The following IGSF11 variants were observed in gnomAD, a reference collection of about 807,000 sequenced individuals.
The protein encoded by IGSF11 is immunoglobulin superfamily member 11, also known as CXADR like 1.
In IGSF11, 22 loss-of-function variants were observed where a neutral mutation model predicts 41.0. The ratio of observed to expected loss-of-function variants is 0.54; its 90% CI spans 0.38 to 0.77. The LOEUF (loss-of-function observed/expected upper bound fraction) is 0.77, where lower values mean the gene tolerates loss of function less well. Ranked by LOEUF, IGSF11 falls within the 30% of genes least tolerant of loss-of-function variation. The probability of loss-of-function intolerance (pLI) is 0.00; values close to 1 mark genes in which losing one functional copy is unlikely to be tolerated. For synonymous variants in IGSF11, 219 were observed against 201.3 expected, an observed-to-expected ratio of 1.09 and a Z score of -0.74; for missense variants, 444 against 530.8, an observed-to-expected ratio of 0.84 and a Z score of 1.61.
At chr3:119,028,068 A>G (rs532950949) in intron 1 of IGSF11, among the ~76,000 whole-genome samples, 1 of 151,446 alleles carries the variant, frequency 6.6e-6, no homozygotes, top group Admixed American at 6.6e-5. Context: ...TGGCCCAAAG[A>G]AAAAAAAGAC....
chr3:119,050,410 A>G lies in IGSF11; in HGVS notation c.49+54734T>C, dbSNP rs1245362126. Among the ~76,000 whole-genome samples, 234 of 152,322 alleles carry G rather than the reference A, an allele frequency of 1.5e-3. 3 individuals carry two copies. The East Asian group carries it at 0.032, about 21-fold the overall frequency. On this transcript the variant is annotated intron_variant, in intron 1 of 6. Coordinates refer to the IGSF11 transcript ENST00000354673. ...ACATGAAAAAATGCTGACCATCACTAGCCATCAGAGAAATGCAAATCAAAA... is the reference window on the plus strand; with the variant it reads ...ACATGAAAAAATGCTGACCATCACTGGCCATCAGAGAAATGCAAATCAAAA...
chr3:119,042,155 G>C (rs1024408190), intron 1 of IGSF11, among the ~76,000 whole-genome samples: 2 of 152,188 alleles, frequency 1.3e-5, no homozygotes, highest in African/African-American at 2.4e-5. Flanking sequence ...AAAAAAATTA[G>C]ATGATCATTT....
intron 1 of IGSF11, among the ~76,000 whole-genome samples, chr3:118,963,583 G>C (rs1172927217): frequency 6.6e-6 from 1 of 152,062 alleles, no homozygotes; most frequent in African/African-American, 2.4e-5. Context: ...GGAAAACTAT[G>C]AAACAAGAAT....
At chr3:119,033,220 T>C (rs537382932) in intron 1 of IGSF11, among the ~76,000 whole-genome samples, 1 of 152,316 alleles carries the variant, frequency 6.6e-6, no homozygotes, top group Non-Finnish European at 1.5e-5. Context: ...CTACCAAAAA[T>C]TTGAGCTGTT....
chr3:119,112,367 C>T (rs146831408), intron 1 of IGSF11, among the ~76,000 whole-genome samples: 4,201 of 152,204 alleles, frequency 0.028, 181 homozygotes, highest in African/African-American at 0.095. Flanking sequence ...TAGCAATCAG[C>T]GAGACTCTGT....
At chr3:118,928,387 G>A (rs1942537756) in intron 3 of IGSF11, 122 bp downstream of exon 3, 2 of 691,298 alleles carry the variant, frequency 2.9e-6, no homozygotes, top group Non-Finnish European at 5.0e-6. Flanking sequence ...AGATGGAACT[G>A]AGAGAAGACA....
intron 1 of IGSF11, chr3:118,943,062 T>C (rs3821882): frequency 0.054 from 8,266 of 152,352 alleles, 351 homozygotes; most frequent in Admixed American, 0.15. Flanking sequence ...CAACATTCCA[T>C]GTGTCCTACA....
intron 1 of IGSF11, among the ~76,000 whole-genome samples, chr3:119,124,091 G>C (rs2077368018): frequency 6.6e-6 from 1 of 151,900 alleles, no homozygotes. Flanking sequence ...ACTGTGTTGA[G>C]GAAATTCAAA....
At chr3:119,040,512 G>A (rs1941079509) in intron 1 of IGSF11, among the ~76,000 whole-genome samples, 1 of 151,980 alleles carries the variant, frequency 6.6e-6, no homozygotes, top group South Asian at 2.1e-4. Context: ...GAACCCCTTG[G>A]GCAGTTAACA....
In IGSF11 at chr3:118,902,956, T is replaced by C; in HGVS notation, c.860A>G (p.Asp287Gly). Residue 287 changes from aspartate (D) to glycine (G), a missense_variant, in exon 7 of 7, where the codon GAT becomes GGT. Coordinates refer to ENST00000393775, the MANE Select transcript of IGSF11 (RefSeq NM_001015887.3). ...AGAAGAACACTTGGGTGGAAGATCA[T>C]CCTCTCTGAAAGGAACAAAATAAAG... is the stretch of plus-strand genomic sequence containing the variant. Reference protein sequence around the residue: ...EEEIPNEIREDDLPPKCSSAK... With the variant: ...EEEIPNEIREGDLPPKCSSAK... 1 of 1,613,386 alleles carries C rather than the reference T, an allele frequency of 6.2e-7. No homozygotes were observed. Among genetic ancestry groups the C allele is most frequent in the South Asian group, 1.1e-5 (1 of 91,066 alleles).
chr3:119,093,729 C>T (rs930885422), intron 1 of IGSF11, among the ~76,000 whole-genome samples: 13 of 152,096 alleles, frequency 8.5e-5, no homozygotes, highest in African/African-American at 2.9e-4. Flanking sequence ...AAGACAGGTC[C>T]CTAATGCCAG....
At chr3:118,916,712 A>C (rs1454493679) in intron 4 of IGSF11, among the ~76,000 whole-genome samples, 2 of 152,000 alleles carry the variant, frequency 1.3e-5, no homozygotes, top group Admixed American at 1.3e-4. Flanking sequence ...ACAGAAAGTC[A>C]ACAAGGATAC....
chr3:118,996,859 A>C (rs1422770678), intron 1 of IGSF11, among the ~76,000 whole-genome samples: 1 of 152,162 alleles, frequency 6.6e-6, no homozygotes, highest in East Asian at 1.9e-4. Context: ...TCGGCCTCCC[A>C]AAGTGCTGGG....
At chr3:118,931,512 C>G (rs910568115) in intron 1 of IGSF11, among the ~76,000 whole-genome samples, 10 of 152,162 alleles carry the variant, frequency 6.6e-5, no homozygotes, top group African/African-American at 2.2e-4. Context: ...ACAACATGCA[C>G]GAGCCTCCCA....
chr3:118,904,038 G>A (rs1220727762), intron 6 of IGSF11, among the ~76,000 whole-genome samples: 2 of 152,160 alleles, frequency 1.3e-5, no homozygotes, highest in African/African-American at 2.4e-5. Flanking sequence ...ATCAGATCCT[G>A]TAAGGCTGTG....
Position 119,044,537 on chromosome 3 carries a change from T to C in IGSF11, c.49+60607A>G, listed in dbSNP as rs372056210. Among the ~76,000 whole-genome samples the C allele has an allele frequency of 5.0e-4, 76 of 152,274 alleles. 1 individual carries two copies. The highest frequency in any genetic ancestry group is 1.8e-3 in the African/African-American group (75 of 41,560). On this transcript the variant is annotated intron_variant, in intron 1 of 6. Transcript: ENST00000354673. ...CCTGGTCTTGCTAGAGATCCAGATA[T>C]TCAAATATAAGATGCTCAAGGAACA...
chr3:118,988,661 C>T (rs972934363), intron 1 of IGSF11, among the ~76,000 whole-genome samples: 1 of 152,168 alleles, frequency 6.6e-6, no homozygotes, highest in Admixed American at 6.5e-5. Context: ...AGAATGGCAT[C>T]TGCATGTGGT....
intron 1 of IGSF11, among the ~76,000 whole-genome samples, chr3:118,975,475 C>T (rs889930721): frequency 1.1e-4 from 17 of 151,832 alleles, no homozygotes; most frequent in African/African-American, 1.7e-4. Flanking sequence ...TATCAAATAA[C>T]GAATTTGTGA....
chr3:118,997,803 A>C (rs1205767605), intron 1 of IGSF11, among the ~76,000 whole-genome samples: 1 of 152,180 alleles, frequency 6.6e-6, no homozygotes. Context: ...GAGGACTTTC[A>C]AACAATAATA....
Sources: gnomAD v4.1 joint callset for allele counts (sites outside exome capture counted in the v4.1 genomes callset) on GRCh38, gnomAD v4.1.1 for gene constraint, MANE v1.5 for transcripts, NCBI Gene and HGNC (gene_info 2026-07-23, HGNC 2026-07-21) for gene names.